Variants in ATP2B1 observed in about 807,000 individuals in gnomAD.
ATP2B1 encodes ATPase plasma membrane Ca2+ transporting 1, also known as plasma membrane calcium-transporting ATPase 1.
Under a neutral mutation model 124.2 loss-of-function variants are expected in ATP2B1, and 14 were observed. The observed-to-expected ratio is 0.11, with a 90% CI of 0.07 to 0.18. The LOEUF (loss-of-function observed/expected upper bound fraction) is 0.18, where lower values mean the gene tolerates loss of function less well. Among genes scored for constraint, ATP2B1 ranks in the 10% least tolerant of loss-of-function variants. The probability of loss-of-function intolerance (pLI) is 1.00; values close to 1 mark genes in which losing one functional copy is unlikely to be tolerated. For missense variants in ATP2B1, 763 were observed against 1,466.1 expected (o/e 0.52, Z 7.83); for synonymous variants, 449 against 492.4 (o/e 0.91, Z 1.17).
intron 1 of ATP2B1, among the ~76,000 whole-genome samples, chr12:89,665,479 T>C (rs1016941491): frequency 3.3e-5 from 5 of 152,226 alleles, no homozygotes; most frequent in Non-Finnish European, 5.9e-5. Context: ...TATTTAGGCA[T>C]TTTAGAAACC....
At chr12:89,688,652 C>T (rs1435844797) in intron 1 of ATP2B1, among the ~76,000 whole-genome samples, 1 of 152,054 alleles carries the variant, frequency 6.6e-6, no homozygotes, top group Non-Finnish European at 1.5e-5. Flanking sequence ...CTCCTTTTGT[C>T]ACGGTTTAGG....
At chr12:89,592,767 A>C (rs1276705800) in intron 20 of ATP2B1, among the ~76,000 whole-genome samples, 2 of 152,064 alleles carry the variant, frequency 1.3e-5, no homozygotes, top group Non-Finnish European at 2.9e-5. Context: ...GCACACTACA[A>C]ACTTAAAACA....
chr12:89,675,270 C>T (rs1182509042), intron 1 of ATP2B1, among the ~76,000 whole-genome samples: 2 of 152,150 alleles, frequency 1.3e-5, no homozygotes, highest in Non-Finnish European at 2.9e-5. Flanking sequence ...TAGAAAACCT[C>T]CATTTGTTCT....
chr12:89,681,284 C>T lies in ATP2B1; in HGVS notation c.-221-25177G>A, dbSNP rs7967454. Among the ~76,000 whole-genome samples, 686 of 152,080 alleles carry T rather than the reference C, an allele frequency of 4.5e-3. 2 individuals carry two copies. The highest frequency in any genetic ancestry group is 0.016 in the African/African-American group (662 of 41,494). On this transcript the variant is annotated intron_variant, in intron 1 of 20. Coordinates refer to ENST00000428670, the MANE Select transcript of ATP2B1 (RefSeq NM_001366521.1). ...ACTTCTATGAAAATAAATCTTAAAA[C>T]CTAAATGAAATAATTTCTTAAGAAA...
rs957963305 is a variant in ATP2B1 at position 89,674,528 on chromosome 12, T to C, written c.-221-18421A>G. ...AATCTAAATGAAAAACCACCCAATT[T>C]TGAATGCTTACTATATAGAGAGCAC... On this transcript the variant is annotated intron_variant, in intron 1 of 20. Transcript: ENST00000428670. Among the ~76,000 whole-genome samples the C allele has an allele frequency of 1.2e-4, 18 of 152,160 alleles. 1 individual carries two copies. The highest frequency in any genetic ancestry group is 9.8e-4 in the Admixed American group (15 of 15,256).
rs1872985544 is a variant in ATP2B1, at chr12:89,588,332, A to T, written c.*2652T>A. On this transcript the variant is annotated 3_prime_UTR_variant, in exon 21 of 21. Transcript: ENST00000428670. ...TACCATATCACATATTTGTAAGATG[A>T]CAAGGAGTAACTCATCTTCAAAGTG... 2 of 152,752 alleles carry T rather than the reference A, an allele frequency of 1.3e-5. No homozygotes were observed. Among genetic ancestry groups the T allele is most frequent in the African/African-American group, 4.8e-5 (2 of 41,590 alleles). The allele number at this position is 152,752 out of a possible 1,614,324, so 9.5% of individuals were successfully genotyped here. A position where few individuals can be genotyped will look rare whatever the true frequency, so the allele number is the denominator to read the frequency against.
intron 1 of ATP2B1, among the ~76,000 whole-genome samples, chr12:89,665,022 G>T (rs1346088601): frequency 6.6e-6 from 1 of 151,892 alleles, no homozygotes; most frequent in Non-Finnish European, 1.5e-5. Flanking sequence ...GTAGAGATGG[G>T]GTTTCACCAT....
intron 7 of ATP2B1, among the ~76,000 whole-genome samples, chr12:89,626,986 T>C (rs929461105): frequency 1.4e-4 from 21 of 152,206 alleles, no homozygotes; most frequent in South Asian, 2.1e-4. Context: ...CATATGCATA[T>C]AGAAATATGC....
intron 3 of ATP2B1, among the ~76,000 whole-genome samples, chr12:89,637,199 A>C (rs1400447901): frequency 6.6e-6 from 1 of 152,226 alleles, no homozygotes; most frequent in Non-Finnish European, 1.5e-5. Context: ...GGAATTTACC[A>C]GTCATATTTT....
intron 15 of ATP2B1, 53 bp downstream of exon 15, chr12:89,609,883 CA>C: frequency 6.6e-7 from 1 of 1,525,238 alleles, no homozygotes; most frequent in African/African-American, 1.4e-5. Flanking sequence ...AACAAACAAA[CA>C]AACAAACCAG....
At chr12:89,665,856 TC>T (rs547022462) in intron 1 of ATP2B1, among the ~76,000 whole-genome samples, 117 of 152,308 alleles carry the variant, frequency 7.7e-4, no homozygotes, top group African/African-American at 2.7e-3. Context: ...GCTCATTATG[TC>T]ACTGAAAAGA....
chr12:89,700,759 C>T (rs185617741), intron 1 of ATP2B1, among the ~76,000 whole-genome samples: 10 of 152,188 alleles, frequency 6.6e-5, no homozygotes, highest in East Asian at 5.8e-4. Context: ...ATTATTGCAA[C>T]GTCAATTAAA....
rs777250567 is a variant in ATP2B1, at chr12:89,591,022, G to A, written c.3625C>T (p.Pro1209Ser). 2 of 1,612,954 alleles carry A rather than the reference G, an allele frequency of 1.2e-6. No individual in the cohort carries two copies. The highest frequency in any genetic ancestry group is 2.2e-5 in the South Asian group (2 of 91,030). Reference sequence around the variant, plus strand: ...TCCAAACTATGTAGTGGGCTTCCTGGGGATGAAGAGGTAGCAGACTTGTTC... The same window carrying A: ...TCCAAACTATGTAGTGGGCTTCCTGAGGATGAAGAGGTAGCAGACTTGTTC... ...EMNKSATSSS[P>S]GSPLHSLETS... The change falls in exon 21 of 21, where the codon CCA (proline) becomes TCA (serine). Residue 1209 changes from proline (P) to serine (S), a missense_variant. Physicochemically the swap from Pro to Ser is moderately conservative, Grantham distance 74. Transcript: ENST00000428670.
chr12:89,599,724 AT>A, intron 19 of ATP2B1, among the ~76,000 whole-genome samples: 1 of 152,150 alleles, frequency 6.6e-6, no homozygotes, highest in Middle Eastern at 3.4e-3. Context: ...AATGTATAAA[AT>A]TTTTAAAAAA....
intron 20 of ATP2B1, 89 bp downstream of exon 20, chr12:89,599,028 G>C: frequency 1.4e-6 from 2 of 1,435,132 alleles, no homozygotes; most frequent in Non-Finnish European, 1.9e-6. Flanking sequence ...AGGCTAGAGA[G>C]GAAGTTTAAG....
At chr12:89,630,322 C>G (rs1397347242) in intron 6 of ATP2B1, among the ~76,000 whole-genome samples, 183 bp downstream of exon 6, 1 of 152,184 alleles carries the variant, frequency 6.6e-6, no homozygotes, top group Non-Finnish European at 1.5e-5. Context: ...CTGAATTTCT[C>G]TGGCCATGGT....
chr12:89,697,346 T>C (rs1244627928), intron 1 of ATP2B1, among the ~76,000 whole-genome samples: 1 of 152,150 alleles, frequency 6.6e-6, no homozygotes, highest in Non-Finnish European at 1.5e-5. Context: ...ATGAGGAATC[T>C]GGATTTGCAA....
chr12:89,672,155 T>C (rs1888076155), intron 1 of ATP2B1, among the ~76,000 whole-genome samples: 1 of 152,226 alleles, frequency 6.6e-6, no homozygotes, highest in Admixed American at 6.5e-5. Context: ...ATTTTTCTTA[T>C]GTGTAAAATA....
intron 1 of ATP2B1, among the ~76,000 whole-genome samples, chr12:89,673,729 G>C (rs1256247409): frequency 6.6e-6 from 1 of 152,150 alleles, no homozygotes; most frequent in Non-Finnish European, 1.5e-5. Flanking sequence ...TCATCTCCAA[G>C]ATAAGGGCAG....
Sources: gnomAD v4.1 joint callset for allele counts (sites outside exome capture counted in the v4.1 genomes callset) on GRCh38, gnomAD v4.1.1 for gene constraint, MANE v1.5 for transcripts, NCBI Gene and HGNC (gene_info 2026-07-23, HGNC 2026-07-21) for gene names.